TAS2R1: variants seen among roughly 807,000 people sequenced by gnomAD.
The protein encoded by TAS2R1 is taste 2 receptor member 1, also known as taste receptor type 2 member 1.
For missense variants in TAS2R1, 370 were observed against 353.4 expected (o/e 1.05, Z -0.38); for synonymous variants, 141 against 134.2 (o/e 1.05, Z -0.35).
chr5:9,815,848 G>T, the TAS2R1 span, among the ~76,000 whole-genome samples: 2 of 152,120 alleles, frequency 1.3e-5, no homozygotes, highest in East Asian at 3.8e-4. Flanking sequence ...TATATCTCAG[G>T]ATTCTATAAC....
the TAS2R1 span, among the ~76,000 whole-genome samples, chr5:9,778,869 T>G: frequency 6.6e-6 from 1 of 152,252 alleles, no homozygotes; most frequent in African/African-American, 2.4e-5. Context: ...TTTGCTTTCT[T>G]ATCATTCGTG....
chr5:9,876,693 T>C, the TAS2R1 span, among the ~76,000 whole-genome samples: 1 of 152,158 alleles, frequency 6.6e-6, no homozygotes, highest in Non-Finnish European at 1.5e-5. Flanking sequence ...AACCTAAAAA[T>C]GCAAATCGTA....
the TAS2R1 span, among the ~76,000 whole-genome samples, chr5:9,896,523 C>T: frequency 2.6e-5 from 4 of 151,984 alleles, no homozygotes; most frequent in African/African-American, 9.7e-5. Flanking sequence ...CTCTAACCGC[C>T]GACCCAAACC....
At chr5:9,781,411 G>A in the TAS2R1 span, among the ~76,000 whole-genome samples, 1 of 152,168 alleles carries the variant, frequency 6.6e-6, no homozygotes, top group East Asian at 1.9e-4. Flanking sequence ...TGCTGCAATG[G>A]CCTCCAGAGC....
At chr5:9,870,614 T>G in the TAS2R1 span, among the ~76,000 whole-genome samples, 26 of 152,274 alleles carry the variant, frequency 1.7e-4, no homozygotes, top group East Asian at 5.0e-3. Context: ...CTTCAAAGAC[T>G]TATAGGCAAA....
At chr5:9,669,601 A>G (rs1740710710) in intron 1 of TAS2R1, among the ~76,000 whole-genome samples, 1 of 152,226 alleles carries the variant, frequency 6.6e-6, no homozygotes, top group Admixed American at 6.6e-5. Flanking sequence ...ATCAATACTA[A>G]GAAAATCACT....
At chr5:9,716,129 C>T (rs925977479), upstream of TAS2R1, among the ~76,000 whole-genome samples, 1 of 152,138 alleles carries the variant, frequency 6.6e-6, no homozygotes, top group African/African-American at 2.4e-5. Context: ...AGTATTGAGA[C>T]AGGCAAGTGT....
the TAS2R1 span, among the ~76,000 whole-genome samples, chr5:9,763,506 A>G: frequency 6.6e-6 from 1 of 152,124 alleles, no homozygotes; most frequent in Non-Finnish European, 1.5e-5. Context: ...TCCATCTCAA[A>G]AAAAAAAGAA....
At chr5:9,760,820 T>C in the TAS2R1 span, 1 of 152,210 alleles carries the variant, frequency 6.6e-6, no homozygotes, top group Non-Finnish European at 1.5e-5. Flanking sequence ...TACACAACAC[T>C]ATTTCTACAA....
At chr5:9,785,542 A>C in the TAS2R1 span, among the ~76,000 whole-genome samples, 1 of 152,254 alleles carries the variant, frequency 6.6e-6, no homozygotes, top group African/African-American at 2.4e-5. Context: ...TGTTCAATAA[A>C]TATGAGTATG....
At chr5:9,763,783 G>A in the TAS2R1 span, among the ~76,000 whole-genome samples, 22 of 152,196 alleles carry the variant, frequency 1.4e-4, no homozygotes, top group Non-Finnish European at 1.2e-4. Context: ...CCGGGATGGG[G>A]CCTTAGACTC....
At chr5:9,828,658 T>C in the TAS2R1 span, among the ~76,000 whole-genome samples, 11,113 of 152,316 alleles carry the variant, frequency 0.073, 470 homozygotes, top group Middle Eastern at 0.14. Flanking sequence ...TGTTTTTCTA[T>C]ACTGGAAGCT....
the TAS2R1 span, among the ~76,000 whole-genome samples, chr5:9,834,281 C>T: frequency 6.6e-6 from 1 of 152,332 alleles, no homozygotes; most frequent in East Asian, 1.9e-4. Context: ...ATCCTGTTTC[C>T]TCGTTTAGAA....
the TAS2R1 span, among the ~76,000 whole-genome samples, chr5:9,816,080 C>T: frequency 6.6e-6 from 1 of 152,054 alleles, no homozygotes; most frequent in South Asian, 2.1e-4. Context: ...GTGTAAATTT[C>T]CTCTCTCAAG....
chr5:9,642,692 T>C (rs1285879400), intron 2 of TAS2R1, among the ~76,000 whole-genome samples: 1 of 152,214 alleles, frequency 6.6e-6, no homozygotes, highest in Non-Finnish European at 1.5e-5. Context: ...CTCCACTCAA[T>C]ATTCTGAGAT....
At chr5:9,670,830 T>C (rs984363207) in intron 1 of TAS2R1, among the ~76,000 whole-genome samples, 12 of 151,962 alleles carry the variant, frequency 7.9e-5, no homozygotes, top group African/African-American at 1.2e-4. Context: ...CTGGCAAAGA[T>C]ACAACAAAAA....
upstream of TAS2R1, chr5:9,713,279 A>G (rs186576023): frequency 6.6e-5 from 10 of 152,334 alleles, no homozygotes; most frequent in East Asian, 1.5e-3. Flanking sequence ...GAGGAGGACA[A>G]ACATAATAAT....
the TAS2R1 span, among the ~76,000 whole-genome samples, chr5:9,896,959 G>A: frequency 1.4e-4 from 22 of 152,084 alleles, no homozygotes; most frequent in Admixed American, 7.2e-4. Context: ...AATGAATGTC[G>A]ATGGTTCAGA....
At chr5:9,633,275 G>T, upstream of TAS2R1, among the ~76,000 whole-genome samples, 1 of 105,978 alleles carries the variant, frequency 9.4e-6, no homozygotes, top group Admixed American at 9.6e-5. Flanking sequence ...TAGTGTGTGT[G>T]TGTGTGTGTG....
Sources: allele counts gnomAD v4.1 joint callset (sites outside exome capture counted in the v4.1 genomes callset), GRCh38; gene constraint gnomAD v4.1.1; transcripts MANE v1.5; gene names NCBI Gene and HGNC (gene_info 2026-07-23, HGNC 2026-07-21).